ANO3: variants seen among roughly 807,000 people sequenced by gnomAD.
The protein encoded by ANO3 is anoctamin 3.
ANO3 carries 99 observed loss-of-function variants against 144.8 expected under a neutral mutation model. The ratio of observed to expected loss-of-function variants is 0.68; its 90% CI spans 0.58 to 0.81. The LOEUF (loss-of-function observed/expected upper bound fraction) is 0.81. ANO3 is among the 30% of genes least tolerant of loss of function. The pLI is 0.00. For synonymous variants in ANO3, 414 were observed against 392.6 expected (o/e 1.05, Z -0.64); for missense variants, 905 against 1,202.2 (o/e 0.75, Z 3.66).
intron 4 of ANO3, among the ~76,000 whole-genome samples, chr11:26,478,753 G>T (rs1411520388): frequency 6.6e-6 from 1 of 151,988 alleles, no homozygotes; most frequent in African/African-American, 2.4e-5. Context: ...AAAAAATCTA[G>T]CCTCAATCAC....
chr11:26,493,913 C>T (rs564705985), intron 4 of ANO3, among the ~76,000 whole-genome samples: 1 of 152,092 alleles, frequency 6.6e-6, no homozygotes. Context: ...TGGAATTTGC[C>T]AAGGCAAATA....
intron 4 of ANO3, among the ~76,000 whole-genome samples, chr11:26,493,272 C>T (rs759980019): frequency 6.6e-6 from 1 of 152,000 alleles, no homozygotes; most frequent in Non-Finnish European, 1.5e-5. Context: ...AAAGATTATA[C>T]CTCTGAGTTT....
intron 1 of ANO3, among the ~76,000 whole-genome samples, chr11:26,237,249 A>C (rs1480722705): frequency 6.6e-6 from 1 of 152,166 alleles, no homozygotes; most frequent in Non-Finnish European, 1.5e-5. Context: ...TTTACAACCT[A>C]CAAAATCTTT....
intron 1 of ANO3, among the ~76,000 whole-genome samples, chr11:26,381,351 C>T (rs937866564): frequency 9.2e-5 from 14 of 152,126 alleles, no homozygotes; most frequent in African/African-American, 4.8e-5. Context: ...CTGTAGCACT[C>T]GCTATTTCCC....
In ANO3 at chr11:26,531,237, G is replaced by T. The variant is rs768115640; in HGVS notation, c.770G>T (p.Trp257Leu). 6 of 1,613,934 alleles carry T rather than the reference G, an allele frequency of 3.7e-6. No homozygotes were observed. Among genetic ancestry groups the T allele is most frequent in the Non-Finnish European group, 5.1e-6 (6 of 1,179,984 alleles). Residue 257 changes from tryptophan to leucine, a missense_variant, in exon 8 of 27, where the codon TGG becomes TTG. Physicochemically the swap from Trp to Leu is moderately conservative, Grantham distance 61 (BLOSUM62 -2). Transcript: ENST00000256737. ...MQTYFRRIKN[W>L]MAQNPMVLDK... ...ACTTATTTTAGAAGAATCAAAAACT[G>T]GATGGCCCAAAACCCAATGGTTCTT...
intron 14 of ANO3, among the ~76,000 whole-genome samples, chr11:26,577,056 T>C (rs1851005164): frequency 6.6e-6 from 1 of 152,186 alleles, no homozygotes; most frequent in Admixed American, 6.5e-5. Context: ...ATTTATATGA[T>C]TGTGAGCAGT....
intron 14 of ANO3, chr11:26,566,949 C>A: frequency 9.4e-7 from 1 of 1,068,878 alleles, no homozygotes; most frequent in Non-Finnish European, 1.2e-6. Flanking sequence ...CTAAAGTAAA[C>A]ACTTAATAGA....
intron 12 of ANO3, among the ~76,000 whole-genome samples, chr11:26,551,936 C>T (rs1489931594): frequency 6.6e-6 from 1 of 151,876 alleles, no homozygotes; most frequent in Non-Finnish European, 1.5e-5. Context: ...TCATCGTGAT[C>T]ACTAATAAAT....
intron 1 of ANO3, among the ~76,000 whole-genome samples, chr11:26,193,286 C>A (rs1011030251): frequency 5.9e-5 from 9 of 151,976 alleles, no homozygotes; most frequent in Non-Finnish European, 1.0e-4. Flanking sequence ...GGATTGCAGG[C>A]ATGCACCACC....
intron 1 of ANO3, among the ~76,000 whole-genome samples, chr11:26,379,420 G>A (rs1052350377): frequency 1.3e-5 from 2 of 152,126 alleles, no homozygotes; most frequent in African/African-American, 4.8e-5. Flanking sequence ...CAAGAAAAAA[G>A]TCCAGTTAGG....
chr11:26,415,062 G>GTT (rs1003381878), intron 1 of ANO3, among the ~76,000 whole-genome samples: 2 of 109,704 alleles, frequency 1.8e-5, no homozygotes, highest in Non-Finnish European at 1.8e-5. Context: ...GTGTATGTGT[G>GTT]TGTGTGTGTG....
At chr11:26,309,797 T>C in intron 1 of ANO3, 1 of 691,140 alleles carries the variant, frequency 1.4e-6, no homozygotes, top group Non-Finnish European at 1.7e-6. Flanking sequence ...CTCCAGAGTC[T>C]TTACAGGGGG....
intron 1 of ANO3, among the ~76,000 whole-genome samples, chr11:26,210,549 A>G (rs1294181885): frequency 6.6e-6 from 1 of 152,202 alleles, no homozygotes; most frequent in Admixed American, 6.5e-5. Context: ...TGAAGATAGC[A>G]TTGAATCTGT....
intron 1 of ANO3, among the ~76,000 whole-genome samples, chr11:26,213,012 C>G (rs1185382589): frequency 6.6e-6 from 1 of 152,104 alleles, no homozygotes; most frequent in African/African-American, 2.4e-5. Context: ...ATCACATAAA[C>G]AGAACCAACG....
At chr11:26,252,663 C>T (rs891701282) in intron 1 of ANO3, among the ~76,000 whole-genome samples, 2 of 152,136 alleles carry the variant, frequency 1.3e-5, no homozygotes, top group Non-Finnish European at 1.5e-5. Flanking sequence ...TCCCTCTCCC[C>T]CAACATAAAC....
chr11:26,491,967 C>A (rs1305284333), intron 4 of ANO3, among the ~76,000 whole-genome samples: 1 of 152,168 alleles, frequency 6.6e-6, no homozygotes, highest in Non-Finnish European at 1.5e-5. Context: ...AATATATTCT[C>A]TAAATACTAC....
intron 1 of ANO3, among the ~76,000 whole-genome samples, chr11:26,429,894 T>C (rs1590351684): frequency 1.3e-5 from 2 of 151,548 alleles, no homozygotes. Flanking sequence ...AACACACTAA[T>C]AGAAAGTTAA....
intron 3 of ANO3, among the ~76,000 whole-genome samples, chr11:26,451,340 G>C (rs1374694060): frequency 6.6e-6 from 1 of 152,208 alleles, no homozygotes; most frequent in Non-Finnish European, 1.5e-5. Flanking sequence ...GTCAAAGAAA[G>C]GGGTGATGGG....
At chr11:26,401,938 T>C (rs1023914514) in intron 1 of ANO3, among the ~76,000 whole-genome samples, 3 of 152,030 alleles carry the variant, frequency 2.0e-5, no homozygotes, top group Non-Finnish European at 4.4e-5. Context: ...TAACAGAAAA[T>C]CTAATGCAAA....
Sources: gnomAD v4.1 joint callset for allele counts (sites outside exome capture counted in the v4.1 genomes callset) on GRCh38, gnomAD v4.1.1 for gene constraint, MANE v1.5 for transcripts, NCBI Gene and HGNC (gene_info 2026-07-23, HGNC 2026-07-21) for gene names.